The following WDR17 variants were observed in gnomAD, a reference collection of about 807,000 sequenced individuals.
WDR17 encodes the protein WD repeat domain 17.
WDR17 carries 143 observed loss-of-function variants against 161.7 expected under a neutral mutation model. The ratio of observed to expected loss-of-function variants is 0.88; its 90% CI spans 0.77 to 1.02. WDR17 has a LOEUF of 1.02. WDR17 is among the 50% of genes least tolerant of loss of function. The pLI is 0.00. For missense variants in WDR17, 1,469 were observed against 1,520.9 expected, an observed-to-expected ratio of 0.97 and a Z score of 0.57; for synonymous variants, 517 against 515.6, an observed-to-expected ratio of 1.00 and a Z score of -0.04.
At chr4:176,149,779 A>G in intron 13 of WDR17, 28 bp from the exon 14 acceptor site, 1 of 1,605,350 alleles carries the variant, frequency 6.2e-7, no homozygotes, top group South Asian at 1.1e-5. Context: ...TGTTCACTTT[A>G]CTTAAAATAG....
At chr4:176,095,115 T>TA (rs1736652817) in intron 1 of WDR17, among the ~76,000 whole-genome samples, 1 of 151,684 alleles carries the variant, frequency 6.6e-6, no homozygotes, top group Non-Finnish European at 1.5e-5. Context: ...CAAAGTAGGG[T>TA]AAAAAAAGCT....
At chr4:176,127,270 G>C (rs1431700410) in intron 5 of WDR17, among the ~76,000 whole-genome samples, 1 of 151,592 alleles carries the variant, frequency 6.6e-6, no homozygotes, top group Admixed American at 6.6e-5. Flanking sequence ...AACTTTTCAG[G>C]ATATAATTAA....
intron 1 of WDR17, among the ~76,000 whole-genome samples, chr4:176,103,241 A>AG (rs1738103383): frequency 6.6e-6 from 1 of 152,192 alleles, no homozygotes; most frequent in Admixed American, 6.5e-5. Flanking sequence ...AATAACCCTG[A>AG]GTAGTCCTTA....
intron 23 of WDR17, 27 bp downstream of exon 23, chr4:176,168,810 GT>G (rs1188545925): frequency 6.3e-7 from 1 of 1,598,582 alleles, no homozygotes; most frequent in Non-Finnish European, 8.5e-7. Flanking sequence ...AAATATTCTG[GT>G]TTGGAATGCA....
At chr4:176,144,170 A>G (rs1260910677) in intron 11 of WDR17, among the ~76,000 whole-genome samples, 3 of 152,196 alleles carry the variant, frequency 2.0e-5, no homozygotes, top group East Asian at 1.9e-4. Context: ...TGGGAGATAG[A>G]TAACTGCTAT....
At chr4:176,086,587 AT>A (rs1178819106) in intron 1 of WDR17, among the ~76,000 whole-genome samples, 1 of 151,692 alleles carries the variant, frequency 6.6e-6, no homozygotes, top group East Asian at 1.9e-4. Context: ...CTCAAAATCT[AT>A]TTTATCTTTG....
chr4:176,106,376 G>A (rs1369229474), intron 1 of WDR17, among the ~76,000 whole-genome samples: 3 of 152,036 alleles, frequency 2.0e-5, no homozygotes, highest in Non-Finnish European at 4.4e-5. Context: ...ACCATTCAAT[G>A]CAGAAAGGCC....
At position 176,177,634 on chromosome 4, in the gene WDR17, C is replaced by T; in HGVS notation, c.3712C>T (p.Leu1238Phe). ...TCATTCTGATATTCACATTTCTTGT[C>T]TTACGGGATTAAAAATCCAGGTAAA... ...PSHSDIHISC[L>F]TGLKIQGPVF... Residue 1238 changes from leucine to phenylalanine, a missense_variant, in exon 28 of 29, where the codon CTT becomes TTT. Physicochemically the swap from Leu to Phe is conservative, Grantham distance 22. Coordinates refer to ENST00000508596, the MANE Select transcript of WDR17 (RefSeq NM_181265.4). 1.3e-6 allele frequency: 2 copies of T among 1,587,762 alleles called. No individual in the cohort carries two copies. Among genetic ancestry groups the T allele is most frequent in the Non-Finnish European group, 1.7e-6 (2 of 1,172,682 alleles).
chr4:176,114,931 C>T (rs1421822593), intron 2 of WDR17, among the ~76,000 whole-genome samples: 1 of 151,548 alleles, frequency 6.6e-6, no homozygotes, highest in Non-Finnish European at 1.5e-5. Flanking sequence ...AATAGAGAAA[C>T]AAGAAGTTCA....
chr4:176,170,316 C>CTTTTTT (rs34343977), intron 23 of WDR17, among the ~76,000 whole-genome samples: 11 of 125,152 alleles, frequency 8.8e-5, no homozygotes, highest in African/African-American at 1.5e-4. Context: ...TTTCTTTTTT[C>CTTTTTT]TTTTTTTTTT....
chr4:176,179,380 G>T, intron 28 of WDR17, 80 bp from the exon 29 acceptor site: 2 of 1,306,948 alleles, frequency 1.5e-6, no homozygotes, highest in South Asian at 2.4e-5. Context: ...TTTTATTGCA[G>T]TGATTCTCTT....
Position 176,135,295 on chromosome 4 carries a change from A to G in WDR17, c.1267+19A>G. On this transcript the variant is annotated intron_variant, in intron 8 of 28. Transcript: ENST00000508596. The stretch of plus-strand genomic sequence containing the variant: ...GCTCCAGGTAAGAGATATTTTATTG[A>G]AATTAGGAATACAATGAAATGGCTT... 6.2e-7 allele frequency: 1 copy of G among 1,610,518 alleles called. No individual in the cohort carries two copies. The highest frequency in any genetic ancestry group is 8.5e-7 in the Non-Finnish European group (1 of 1,177,178).
chr4:176,145,805 A>G (rs1379702763), intron 11 of WDR17, among the ~76,000 whole-genome samples, 190 bp from the exon 12 acceptor site: 2 of 152,230 alleles, frequency 1.3e-5, no homozygotes, highest in African/African-American at 2.4e-5. Context: ...GAAACACACC[A>G]TACTGGTGCA....
intron 1 of WDR17, among the ~76,000 whole-genome samples, chr4:176,109,141 C>G (rs570192941): frequency 1.3e-5 from 2 of 152,192 alleles, no homozygotes; most frequent in East Asian, 3.9e-4. Context: ...AATTATGTTT[C>G]TTTTCCAAAT....
intron 1 of WDR17, among the ~76,000 whole-genome samples, chr4:176,083,808 T>C (rs1735064420): frequency 6.6e-6 from 1 of 152,086 alleles, no homozygotes; most frequent in South Asian, 2.1e-4. Context: ...AGTATATGAG[T>C]TTCAGTTACT....
chr4:176,086,642 T>C (rs1348218530), intron 1 of WDR17, among the ~76,000 whole-genome samples: 2 of 151,928 alleles, frequency 1.3e-5, no homozygotes, highest in African/African-American at 4.8e-5. Flanking sequence ...GTATAGTTTA[T>C]CATTTTCTGA....
chr4:176,134,876 T>C (rs1379503098), intron 7 of WDR17, among the ~76,000 whole-genome samples: 1 of 151,682 alleles, frequency 6.6e-6, no homozygotes, highest in African/African-American at 2.4e-5. Context: ...GTTGCTGATT[T>C]GAGGAACCGT....
At chr4:176,108,127 C>A (rs955739836) in intron 1 of WDR17, among the ~76,000 whole-genome samples, 1 of 152,010 alleles carries the variant, frequency 6.6e-6, no homozygotes, top group Non-Finnish European at 1.5e-5. Flanking sequence ...CAACCTTACA[C>A]TCCTGGTTGC....
At chr4:176,087,650 C>A (rs1288599386) in intron 1 of WDR17, among the ~76,000 whole-genome samples, 2 of 152,034 alleles carry the variant, frequency 1.3e-5, no homozygotes, top group East Asian at 1.9e-4. Context: ...CATACCTTAT[C>A]TGTCTCTTAT....
Sources: gnomAD v4.1 joint callset for allele counts (sites outside exome capture counted in the v4.1 genomes callset) on GRCh38, gnomAD v4.1.1 for gene constraint, MANE v1.5 for transcripts, NCBI Gene and HGNC (gene_info 2026-07-23, HGNC 2026-07-21) for gene names.